Variants in CHODL observed in about 807,000 individuals in gnomAD.
CHODL encodes the protein chondrolectin.
In CHODL, 29 loss-of-function variants were observed where a neutral mutation model predicts 34.5. The observed-to-expected ratio is 0.84, with a 90% CI of 0.63 to 1.15. The LOEUF (loss-of-function observed/expected upper bound fraction) is 1.15. Among genes scored for constraint, CHODL ranks in the 50% most tolerant of loss-of-function variants. The pLI is 0.00. For synonymous variants in CHODL, 125 were observed against 116.1 expected (o/e 1.08, Z -0.49); for missense variants, 332 against 332.5 (o/e 1.00, Z 0.01).
intron 1 of CHODL, among the ~76,000 whole-genome samples, chr21:18,015,198 G>C (rs772806144): frequency 2.2e-4 from 34 of 152,174 alleles, no homozygotes; most frequent in Non-Finnish European, 4.6e-4. Flanking sequence ...GGTCTGATGG[G>C]AGGTGATTGG....
intron 2 of CHODL, among the ~76,000 whole-genome samples, chr21:18,199,885 C>A (rs866222841): frequency 2.6e-5 from 4 of 152,118 alleles, no homozygotes; most frequent in Non-Finnish European, 5.9e-5. Flanking sequence ...CAGATTGGGG[C>A]AGTCATGAAC....
At chr21:18,116,520 G>T (rs1414770735) in intron 2 of CHODL, among the ~76,000 whole-genome samples, 2 of 152,196 alleles carry the variant, frequency 1.3e-5, no homozygotes, top group African/African-American at 4.8e-5. Flanking sequence ...GTTAATTGAA[G>T]ATTGGGTCCT....
intron 5 of CHODL, among the ~76,000 whole-genome samples, chr21:18,264,784 A>G (rs1373566378): frequency 6.6e-6 from 1 of 152,036 alleles, no homozygotes; most frequent in Non-Finnish European, 1.5e-5. Context: ...TTGTATCTCA[A>G]ATCTGGAGGA....
At chr21:18,186,453 C>T (rs542945929) in intron 2 of CHODL, among the ~76,000 whole-genome samples, 3 of 151,688 alleles carry the variant, frequency 2.0e-5, no homozygotes, top group African/African-American at 7.3e-5. Flanking sequence ...CTTTCTTTAG[C>T]AGGGTCCCAG....
chr21:18,051,113 G>A (rs1047445484), intron 2 of CHODL, among the ~76,000 whole-genome samples: 1 of 151,838 alleles, frequency 6.6e-6, no homozygotes, highest in Non-Finnish European at 1.5e-5. Context: ...GGTGTGTGAT[G>A]TTCCCCTCCC....
intron 1 of CHODL, among the ~76,000 whole-genome samples, chr21:17,939,083 T>C (rs2063343344): frequency 6.6e-6 from 1 of 152,202 alleles, no homozygotes; most frequent in African/African-American, 2.4e-5. Context: ...TTTTTGGTGG[T>C]AAAAACACTT....
At chr21:18,108,838 TGTG>T (rs147460892) in intron 2 of CHODL, among the ~76,000 whole-genome samples, 2,657 of 44,238 alleles carry the variant, frequency 0.06, 78 homozygotes, top group African/African-American at 0.24. Flanking sequence ...TTTGCAATGT[TGTG>T]TGTGTGTGTG....
chr21:18,151,082 CAAAAAAAAAAAA>C (rs61176066), intron 2 of CHODL, among the ~76,000 whole-genome samples: 3 of 123,016 alleles, frequency 2.4e-5, no homozygotes, highest in Admixed American at 1.7e-4. Context: ...GACTCTGTGT[CAAAAAAAAAAAA>C]AAAAAAAAAA....
chr21:17,988,797 A>G (rs1219027683), intron 1 of CHODL, among the ~76,000 whole-genome samples: 1 of 151,636 alleles, frequency 6.6e-6, no homozygotes, highest in East Asian at 1.9e-4. Context: ...CCAGTCTGTC[A>G]TTGTTGGACA....
intron 2 of CHODL, among the ~76,000 whole-genome samples, chr21:18,131,841 C>CT (rs937518278): frequency 6.6e-6 from 1 of 151,756 alleles, no homozygotes; most frequent in Non-Finnish European, 1.5e-5. Flanking sequence ...TTTTTTAAAC[C>CT]TTTTTTCTGC....
At chr21:18,086,764 C>T (rs900337963) in intron 2 of CHODL, among the ~76,000 whole-genome samples, 1 of 152,158 alleles carries the variant, frequency 6.6e-6, no homozygotes, top group Non-Finnish European at 1.5e-5. Context: ...TGTTTTTCGG[C>T]CCCAGAGCAG....
intron 2 of CHODL, among the ~76,000 whole-genome samples, chr21:18,209,663 C>T (rs7281191): frequency 0.026 from 3,940 of 152,246 alleles, 166 homozygotes; most frequent in African/African-American, 0.091. Context: ...AGCTCTGAGT[C>T]TCACTCAAGG....
At chr21:17,986,900 G>C (rs750734455) in intron 1 of CHODL, among the ~76,000 whole-genome samples, 1 of 152,120 alleles carries the variant, frequency 6.6e-6, no homozygotes, top group African/African-American at 2.4e-5. Flanking sequence ...CGTTTTAATA[G>C]TGGGATGGTG....
At chr21:18,117,934 T>G (rs1368530589) in intron 2 of CHODL, among the ~76,000 whole-genome samples, 2 of 152,144 alleles carry the variant, frequency 1.3e-5, no homozygotes, top group Non-Finnish European at 2.9e-5. Context: ...GCTCTTTAAG[T>G]TTTCAGGTAA....
chr21:18,164,795 G>A (rs1412563350), intron 2 of CHODL, among the ~76,000 whole-genome samples: 1 of 151,978 alleles, frequency 6.6e-6, no homozygotes, highest in Non-Finnish European at 1.5e-5. Flanking sequence ...CAAAACTGTC[G>A]ATTACCCCAA....
At chr21:18,103,220 CTA>C (rs1465894215) in intron 2 of CHODL, among the ~76,000 whole-genome samples, 4 of 152,132 alleles carry the variant, frequency 2.6e-5, no homozygotes, top group South Asian at 2.1e-4. Flanking sequence ...TCTTTTTAAA[CTA>C]TGTTTTTCTA....
chr21:18,055,307 C>A (rs1424363866), intron 2 of CHODL, among the ~76,000 whole-genome samples: 1 of 151,932 alleles, frequency 6.6e-6, no homozygotes, highest in Admixed American at 6.6e-5. Context: ...TAAGAAACAC[C>A]AGTTCTCTTC....
Position 18,085,033 on chromosome 21 carries a change from T to G in CHODL, c.-45+57062T>G, listed in dbSNP as rs570048841. Among the ~76,000 whole-genome samples, 35 of 152,188 alleles carry G rather than the reference T, an allele frequency of 2.3e-4. 1 individual carries two copies. Among genetic ancestry groups the G allele is most frequent in the Admixed American group, 5.2e-4 (8 of 15,264 alleles). ...GAATCTGTTTTTGGATTGATCACTT[T>G]GTCATTATATAATGATCTTCTTTTT... On this transcript the variant is annotated intron_variant, in intron 2 of 6. Transcript: ENST00000400127.
chr21:18,110,290 G>A (rs1409476774), intron 2 of CHODL, among the ~76,000 whole-genome samples: 1 of 152,154 alleles, frequency 6.6e-6, no homozygotes, highest in African/African-American at 2.4e-5. Context: ...GATGTAAAGA[G>A]GAATATGTGA....
Sources: gnomAD v4.1 joint callset for allele counts (sites outside exome capture counted in the v4.1 genomes callset) on GRCh38, gnomAD v4.1.1 for gene constraint, MANE v1.5 for transcripts, NCBI Gene and HGNC (gene_info 2026-07-23, HGNC 2026-07-21) for gene names.